SPTBN5: variants seen among roughly 807,000 people sequenced by gnomAD.
SPTBN5 encodes spectrin beta, non-erythrocytic 5.
In SPTBN5, 513 loss-of-function variants were observed where a neutral mutation model predicts 477.6. The ratio of observed to expected loss-of-function variants is 1.07; its 90% CI spans 1.00 to 1.16. SPTBN5 has a LOEUF of 1.16. Ranked by LOEUF, SPTBN5 falls within the 50% of genes most tolerant of loss-of-function variation. The probability of loss-of-function intolerance (pLI) is 0.00; values close to 1 mark genes in which losing one functional copy is unlikely to be tolerated. For missense variants in SPTBN5, 5,062 were observed against 4,731.8 expected, an observed-to-expected ratio of 1.07 and a Z score of -2.05; for synonymous variants, 2,169 against 2,011.7, an observed-to-expected ratio of 1.08 and a Z score of -2.09.
At chr15:41,875,814 T>C (rs2066705194) in intron 21 of SPTBN5, among the ~76,000 whole-genome samples, 192 bp from the exon 22 acceptor site, 2 of 152,026 alleles carry the variant, frequency 1.3e-5, no homozygotes, top group Admixed American at 6.5e-5. Flanking sequence ...CCCCTGCAAA[T>C]AGAGCGGGGT....
Position 41,866,030 on chromosome 15 carries a change from G to A in SPTBN5, c.6822+8C>T, listed in dbSNP as rs2066295836. On this transcript the variant is annotated splice_region_variant and intron_variant, in intron 38 of 67. Coordinates refer to ENST00000320955, the MANE Select transcript of SPTBN5 (RefSeq NM_016642.4). ...CATCTCTCAGCCCCCACCCAGCTGG[G>A]GCTACACCTTCTCCTGGATCCAGGC... 6.4e-7 allele frequency: 1 copy of A among 1,552,078 alleles called. No individual in the cohort carries two copies. The highest frequency in any genetic ancestry group is 2.4e-5 in the East Asian group (1 of 41,018).
chr15:41,883,271 G>A (rs2067037370), intron 8 of SPTBN5, 43 bp from the exon 9 acceptor site: 1 of 1,604,334 alleles, frequency 6.2e-7, no homozygotes. Flanking sequence ...CAAGGTGCTG[G>A]GTCCCTCTGA....
chr15:41,863,931 G>A lies in SPTBN5; in HGVS notation c.7012C>T (p.Arg2338Trp), dbSNP rs186967701. The A allele has an allele frequency of 1.1e-4, 176 of 1,613,818 alleles. 1 individual carries two copies. The East Asian group carries it at 3.5e-3, about 32-fold the overall frequency. ...GGCCTGTTGTTGAGCTGGCTTCGCC[G>A]CTGGCAGATGATCTTGACTTCCTCA... ...DPEEVKIICQ[R>W]RSQLNNRWAS... The change falls in exon 40 of 68, where the codon CGG (arginine) becomes TGG (tryptophan). Residue 2338 changes from arginine (R) to tryptophan (W), a missense_variant. Arg to Trp is a moderately radical substitution (Grantham distance 101). Coordinates refer to ENST00000320955, the MANE Select transcript of SPTBN5 (RefSeq NM_016642.4).
chr15:41,852,733 G>C lies in SPTBN5; in HGVS notation c.10350C>G (p.His3450Gln). The change falls in exon 61 of 68, where the codon CAC (histidine) becomes CAG (glutamine). Residue 3450 changes from histidine to glutamine, a missense_variant and splice_region_variant. Coordinates refer to ENST00000320955, the MANE Select transcript of SPTBN5 (RefSeq NM_016642.4). ...GCAGCAACTCCACATCTGACACTGA[G>C]TGCTGGGGAGAAGCATGTTCAGGTG... is the stretch of plus-strand genomic sequence containing the variant. ...EGLLLKPDYG[H>Q]SVSDVELLLH... 1.2e-6 allele frequency: 2 copies of C among 1,613,106 alleles called. No individual in the cohort carries two copies. Among genetic ancestry groups the C allele is most frequent in the Non-Finnish European group, 1.7e-6 (2 of 1,179,758 alleles).
intron 16 of SPTBN5, among the ~76,000 whole-genome samples, chr15:41,878,911 CA>C (rs1357565977): frequency 1.3e-5 from 2 of 152,084 alleles, no homozygotes; most frequent in African/African-American, 4.8e-5. Flanking sequence ...ACTAAAAATA[CA>C]AAAATTAGCC....
chr15:41,889,602 G>T (rs576321752), intron 4 of SPTBN5, among the ~76,000 whole-genome samples: 33 of 152,188 alleles, frequency 2.2e-4, no homozygotes, highest in African/African-American at 7.5e-4. Flanking sequence ...GATCCAGTGT[G>T]GGGGAAAGAG....
At chr15:41,869,774 C>T in intron 32 of SPTBN5, 67 bp downstream of exon 32, 1 of 1,391,852 alleles carries the variant, frequency 7.2e-7, no homozygotes, top group Non-Finnish European at 9.3e-7. Flanking sequence ...CTCATGCGTG[C>T]ATGCCCATGC....
Position 41,887,326 on chromosome 15 carries a change from C to T in SPTBN5, c.775G>A (p.Asp259Asn), listed in dbSNP as rs1348343422. The change falls in exon 6 of 68, where the codon GAC becomes AAC. Residue 259 changes from aspartate (D) to asparagine (N), a missense_variant. Coordinates refer to ENST00000320955, the MANE Select transcript of SPTBN5 (RefSeq NM_016642.4). ...TCATCTGGCTGTGCGGCTGCCACGTCCTCGGGGTCCAGCAGCTGAGCAATG... is the reference window on the plus strand; with the variant it reads ...TCATCTGGCTGTGCGGCTGCCACGTTCTCGGGGTCCAGCAGCTGAGCAATG... ...LGIAQLLDPE[D>N]VAAAQPDERS... is the part of the protein sequence containing the mutation. The T allele has an allele frequency of 4.5e-6, 7 of 1,551,596 alleles. No homozygotes were observed. Among genetic ancestry groups the T allele is most frequent in the Admixed American group, 3.9e-5 (2 of 51,022 alleles).
In SPTBN5 at chr15:41,849,840, G is replaced by A. The variant is rs369906389; in HGVS notation, c.11012+29C>T. The A allele has an allele frequency of 7.1e-5, 109 of 1,540,626 alleles. 1 individual carries two copies. The highest frequency in any genetic ancestry group is 8.3e-5 in the South Asian group (7 of 83,900). Reference sequence around the variant, plus strand: ...CAGCCACTGAAGCCCAGGGCTCCCCGCCCTGCTTCCCCCACCCAGGTGTCC... The same window carrying A: ...CAGCCACTGAAGCCCAGGGCTCCCCACCCTGCTTCCCCCACCCAGGTGTCC... On this transcript the variant is annotated intron_variant, in intron 67 of 67. Coordinates refer to ENST00000320955, the MANE Select transcript of SPTBN5 (RefSeq NM_016642.4).
Position 41,853,619 on chromosome 15 carries a change from G to A in SPTBN5, c.9943C>T (p.Gln3315Ter), listed in dbSNP as rs377146800. 11 of 1,591,080 alleles carry A rather than the reference G, an allele frequency of 6.9e-6. No individual in the cohort carries two copies. In the African/African-American group the frequency reaches 1.2e-4, roughly 17 times the overall value. ...ERGQWLAQAAQGHAFLGRCQE... is the reference protein window; with the variant it reads ...ERGQWLAQAA ...CAGCGCCCGAGGAAGGCATGGCCCT[G>A]TGCAGCCTGCGCCAGCCACTGGCCT... Residue 3315 changes from glutamine to a stop codon, truncating the protein, a stop_gained, in exon 58 of 68, where the codon CAG becomes TAG. Coordinates refer to ENST00000320955, the MANE Select transcript of SPTBN5 (RefSeq NM_016642.4). LOFTEE classifies it high-confidence loss of function.
rs745719255 is a variant in SPTBN5 at position 41,877,370 on chromosome 15, C to T, written c.3471-14G>A. On this transcript the variant is annotated splice_polypyrimidine_tract_variant and intron_variant, in intron 17 of 67. Coordinates refer to ENST00000320955, the MANE Select transcript of SPTBN5 (RefSeq NM_016642.4). ...AGCTGCTGCAGCCTGACCAGGATGA[C>T]AGGCAGAGAGTCAAACCCCAGCAGG... 97 of 1,601,294 alleles carry T rather than the reference C, an allele frequency of 6.1e-5. No individual in the cohort carries two copies. Among genetic ancestry groups the T allele is most frequent in the Non-Finnish European group, 2.6e-5 (30 of 1,172,560 alleles).
In SPTBN5 at chr15:41,879,295, C is replaced by A. The variant is rs761073670; in HGVS notation, c.3147G>T (p.Glu1049Asp). 3.7e-6 allele frequency: 6 copies of A among 1,611,874 alleles called. No homozygotes were observed. The highest frequency in any genetic ancestry group is 5.1e-6 in the Non-Finnish European group (6 of 1,179,876). ...CACTTTGGAGGAAGTGGACCCTCCT[C>A]TCCAGCACCAGGGTCTTCTTCTGGG... ...QLAQKKTLVL[E>D]RRVHFLQSVV... Residue 1049 changes from glutamate (E) to aspartate (D), a missense_variant, in exon 16 of 68, where the codon GAG (glutamate) becomes GAT (aspartate). Glu to Asp is a conservative substitution (Grantham distance 45). Transcript: ENST00000320955.
rs760093737 is a variant in SPTBN5 at position 41,856,958 on chromosome 15, G to C, written c.8703C>G (p.Asp2901Glu). The C allele has an allele frequency of 5.2e-5, 83 of 1,594,294 alleles. No homozygotes were observed. The East Asian group carries it at 1.8e-3, about 35-fold the overall frequency. The change falls in exon 52 of 68, where the codon GAC (aspartate) becomes GAG (glutamate). Residue 2901 changes from aspartate (D) to glutamate (E), a missense_variant. Physicochemically the swap from Asp to Glu is conservative, Grantham distance 45 (BLOSUM62 2). Coordinates refer to ENST00000320955, the MANE Select transcript of SPTBN5 (RefSeq NM_016642.4). ...GCACCCAGGCCATTTCCTCGTCGGC[G>C]TCCCTGAAGAACTTCAAGAGGAGGC... ...ARSLLLKFFR[D>E]ADEEMAWVQE...
In SPTBN5 at chr15:41,856,952, G is replaced by A. The variant is rs192113248; in HGVS notation, c.8709C>T (p.Asp2903=). 7.9e-5 allele frequency: 125 copies of A among 1,589,018 alleles called. No homozygotes were observed. In the African/African-American group the frequency reaches 1.4e-3, roughly 18 times the overall value. The change falls in exon 52 of 68, where the codon GAC becomes GAT. Residue 2903 remains aspartate (D), a synonymous_variant. Transcript: ENST00000320955. ...SLLLKFFRDA[D]EEMAWVQEKL... is the part of the protein sequence containing the mutation. ...TCTCCTGCACCCAGGCCATTTCCTCGTCGGCGTCCCTGAAGAACTTCAAGA... is the reference window on the plus strand; with the variant it reads ...TCTCCTGCACCCAGGCCATTTCCTCATCGGCGTCCCTGAAGAACTTCAAGA...
In SPTBN5 at chr15:41,866,224, T is replaced by C; in HGVS notation, c.6636A>G (p.Gly2212=). 4 of 1,592,750 alleles carry C rather than the reference T, an allele frequency of 2.5e-6. No individual in the cohort carries two copies. Among genetic ancestry groups the C allele is most frequent in the Non-Finnish European group, 3.4e-6 (4 of 1,171,974 alleles). ...EEVMTSVAKK[G]EALLAQSHPR... ...GGTGACTCTGTGCCAGGAGAGCCTCTCCCTTCTGGAGGGAGAGAGGGGACA... is the reference window on the plus strand; with the variant it reads ...GGTGACTCTGTGCCAGGAGAGCCTCCCCCTTCTGGAGGGAGAGAGGGGACA... Residue 2212 remains glycine (G), a synonymous_variant, in exon 38 of 68, where the codon GGA becomes GGG. Coordinates refer to ENST00000320955, the MANE Select transcript of SPTBN5 (RefSeq NM_016642.4).
intron 17 of SPTBN5, 83 bp downstream of exon 17, chr15:41,878,259 G>T: frequency 3.3e-6 from 5 of 1,493,586 alleles, no homozygotes; most frequent in South Asian, 1.3e-5. Context: ...ACTACTTCCC[G>T]CATGCTCTTT....
intron 9 of SPTBN5, 125 bp downstream of exon 9, chr15:41,882,871 G>T: frequency 7.3e-7 from 1 of 1,370,408 alleles, no homozygotes; most frequent in Non-Finnish European, 9.9e-7. Flanking sequence ...GTGAGACGGA[G>T]GCTTTGGAAG....
chr15:41,849,828 C>A (rs995501636), intron 67 of SPTBN5, 41 bp downstream of exon 67: 63 of 1,496,026 alleles, frequency 4.2e-5, no homozygotes, highest in Non-Finnish European at 5.7e-5. Flanking sequence ...CCACTGAAGC[C>A]CAGGGCTCCC....
At position 41,854,948 on chromosome 15, in the gene SPTBN5, C is replaced by T. The variant is rs936480698; in HGVS notation, c.9452G>A (p.Arg3151Lys). 1 of 1,557,928 alleles carries T rather than the reference C, an allele frequency of 6.4e-7. No homozygotes were observed. The highest frequency in any genetic ancestry group is 8.7e-7 in the Non-Finnish European group (1 of 1,153,180). The change falls in exon 56 of 68, where the codon AGA becomes AAA. Residue 3151 changes from arginine to lysine, a missense_variant. Physicochemically the swap from Arg to Lys is conservative, Grantham distance 26. Coordinates refer to ENST00000320955, the MANE Select transcript of SPTBN5 (RefSeq NM_016642.4). ...KVLEEKFDAF[R>K]KEVQSLGQAK... Reference sequence around the variant, plus strand: ...CTGGCCCAGGCTCTGCACTTCCTTTCTGAAAGCATCAAACTTCTCTTCCAG... The same window carrying T: ...CTGGCCCAGGCTCTGCACTTCCTTTTTGAAAGCATCAAACTTCTCTTCCAG...
Sources: gnomAD v4.1 joint callset for allele counts (sites outside exome capture counted in the v4.1 genomes callset) on GRCh38, gnomAD v4.1.1 for gene constraint, MANE v1.5 for transcripts, NCBI Gene and HGNC (gene_info 2026-07-23, HGNC 2026-07-21) for gene names.